The following GBE1 variants were observed in gnomAD, a reference collection of about 807,000 sequenced individuals.
The protein encoded by GBE1 is 1,4-alpha-glucan branching enzyme 1.
In GBE1, 70 loss-of-function variants were observed where a neutral mutation model predicts 88.8. The observed-to-expected ratio is 0.79, with a 90% CI of 0.65 to 0.96. The LOEUF (loss-of-function observed/expected upper bound fraction) is 0.96. GBE1 is among the 40% of genes least tolerant of loss of function. GBE1 has a pLI of 0.00. For missense variants in GBE1, 872 were observed against 871.0 expected, an observed-to-expected ratio of 1.00 and a Z score of -0.01; for synonymous variants, 284 against 300.1, an observed-to-expected ratio of 0.95 and a Z score of 0.56.
rs397990331 is a variant in GBE1 at position 81,710,232 on chromosome 3, C to CTTTTTTTTTTTTTTTT, written c.144-4635_144-4620dup. Among the ~76,000 whole-genome samples the CTTTTTTTTTTTTTTTT allele has an allele frequency of 2.1e-4, 20 of 93,232 alleles. 1 individual carries two copies. Among genetic ancestry groups the CTTTTTTTTTTTTTTTT allele is most frequent in the African/African-American group, 4.6e-4 (10 of 21,796 alleles). 61.2% of individuals were successfully genotyped at this position (93,232 alleles called of 152,430 possible). On this transcript the variant is annotated intron_variant, in intron 1 of 15. Coordinates refer to ENST00000429644, the MANE Select transcript of GBE1 (RefSeq NM_000158.4). Reference sequence around the variant, plus strand: ...TTGTTTTACTCTTAAGGTAATTAATCTTTTTTTTTTTTTTTTTTTTGAGAC... The same window carrying CTTTTTTTTTTTTTTTT: ...TTGTTTTACTCTTAAGGTAATTAATCTTTTTTTTTTTTTTTTTTTTTTTTTTTTTTTTTTTTGAGAC...
intron 14 of GBE1, among the ~76,000 whole-genome samples, chr3:81,512,628 T>A (rs1448641813): frequency 6.6e-6 from 1 of 151,936 alleles, no homozygotes; most frequent in Non-Finnish European, 1.5e-5. Flanking sequence ...TGTAAAACTG[T>A]ACTGAATTTA....
intron 12 of GBE1, among the ~76,000 whole-genome samples, chr3:81,571,014 C>A (rs941237810): frequency 6.6e-6 from 1 of 152,096 alleles, no homozygotes; most frequent in Non-Finnish European, 1.5e-5. Flanking sequence ...AGTATACACT[C>A]AGGATCTAAA....
chr3:81,666,267 A>G (rs1461952339), intron 3 of GBE1, among the ~76,000 whole-genome samples: 2 of 152,184 alleles, frequency 1.3e-5, no homozygotes, highest in Admixed American at 6.5e-5. Context: ...TACCCATAAA[A>G]TCTGTCAAGA....
intron 15 of GBE1, among the ~76,000 whole-genome samples, chr3:81,497,508 G>T (rs1702516215): frequency 6.6e-6 from 1 of 152,104 alleles, no homozygotes; most frequent in Non-Finnish European, 1.5e-5. Context: ...GGGGGAAACT[G>T]CAGTGCAAAA....
In GBE1 at chr3:81,499,120, T is replaced by A; in HGVS notation, c.2042A>T (p.Tyr681Phe). 6.4e-7 allele frequency: 1 copy of A among 1,574,596 alleles called. No individual in the cohort carries two copies. Among genetic ancestry groups the A allele is most frequent in the Non-Finnish European group, 8.7e-7 (1 of 1,146,652 alleles). ...SEAFEHNGRP[Y>F]SLLVYIPSRV... ...GAGAAACTTACTTACCAAAAGAGAA[T>A]AGGGACGCCCATTATGTTCAAAAGC... is the stretch of plus-strand genomic sequence containing the variant. The change falls in exon 15 of 16, where the codon TAT (tyrosine) becomes TTT (phenylalanine). Residue 681 changes from tyrosine to phenylalanine, a missense_variant. Physicochemically the swap from Tyr to Phe is conservative, Grantham distance 22. Coordinates refer to ENST00000429644, the MANE Select transcript of GBE1 (RefSeq NM_000158.4).
At chr3:81,713,126 A>G (rs1055382343) in intron 1 of GBE1, among the ~76,000 whole-genome samples, 5 of 152,208 alleles carry the variant, frequency 3.3e-5, no homozygotes, top group African/African-American at 9.6e-5. Flanking sequence ...ACAATGTCCA[A>G]CTCATGACAG....
In GBE1 at chr3:81,685,662, G is replaced by A. The variant is rs540748396; in HGVS notation, c.314-14709C>T. ...CTCCCAAAGTGCTGGTATTACAAGC[G>A]TGAGCCATTGCGCTCAGCGATTCCA... On this transcript the variant is annotated intron_variant, in intron 2 of 15. Coordinates refer to ENST00000429644, the MANE Select transcript of GBE1 (RefSeq NM_000158.4). Among the ~76,000 whole-genome samples, 15 of 152,208 alleles carry A rather than the reference G, an allele frequency of 9.9e-5. 1 individual carries two copies. The South Asian group carries it at 1.9e-3, about 19-fold the overall frequency.
chr3:81,665,368 C>A (rs1705098155), intron 3 of GBE1, among the ~76,000 whole-genome samples: 1 of 151,260 alleles, frequency 6.6e-6, no homozygotes, highest in South Asian at 2.1e-4. Flanking sequence ...CCCGTCTCTA[C>A]TAAAAATACA....
intron 12 of GBE1, among the ~76,000 whole-genome samples, chr3:81,545,739 A>C (rs1432090333): frequency 6.6e-6 from 1 of 152,122 alleles, no homozygotes; most frequent in Non-Finnish European, 1.5e-5. Flanking sequence ...TGAAAATATT[A>C]AATGGAAAAT....
intron 7 of GBE1, among the ~76,000 whole-genome samples, chr3:81,610,073 A>G (rs886196324): frequency 6.6e-6 from 1 of 152,210 alleles, no homozygotes; most frequent in Admixed American, 6.5e-5. Flanking sequence ...TTACACAAAA[A>G]TTAGTATTGC....
At chr3:81,618,822 T>TA (rs775469360) in intron 7 of GBE1, among the ~76,000 whole-genome samples, 2 of 152,120 alleles carry the variant, frequency 1.3e-5, no homozygotes, top group Non-Finnish European at 2.9e-5. Flanking sequence ...AAATTAAGAC[T>TA]ACAGCTAAAG....
intron 12 of GBE1, among the ~76,000 whole-genome samples, chr3:81,557,575 C>A (rs755872765): frequency 2.6e-5 from 4 of 151,908 alleles, no homozygotes; most frequent in Non-Finnish European, 5.9e-5. Context: ...AGGATGACTT[C>A]AGTTTTGGAT....
chr3:81,532,636 T>C (rs187172174), intron 14 of GBE1, among the ~76,000 whole-genome samples: 116 of 152,204 alleles, frequency 7.6e-4, no homozygotes, highest in South Asian at 2.1e-4. Flanking sequence ...CCTACATTCT[T>C]ATCAAGTAGC....
rs753097564 is a variant in GBE1, at chr3:81,535,331, A to C, written c.1804-6T>G. ...TGTTTTTCACTCACGTAGGCCTGCA[A>C]GAATTAGCACACATGTTACATTTAA... On this transcript the variant is annotated splice_region_variant and splice_polypyrimidine_tract_variant and intron_variant, in intron 13 of 15. Coordinates refer to ENST00000429644, the MANE Select transcript of GBE1 (RefSeq NM_000158.4). 7.5e-6 allele frequency: 12 copies of C among 1,598,142 alleles called. No homozygotes were observed. Among genetic ancestry groups the C allele is most frequent in the Non-Finnish European group, 1.0e-5 (12 of 1,174,650 alleles).
At chr3:81,504,450 T>G (rs1702628896) in intron 14 of GBE1, among the ~76,000 whole-genome samples, 1 of 151,922 alleles carries the variant, frequency 6.6e-6, no homozygotes, top group South Asian at 2.1e-4. Flanking sequence ...ATCATAAAAT[T>G]TACCTTGTTC....
intron 15 of GBE1, among the ~76,000 whole-genome samples, chr3:81,493,760 T>C (rs1420400204): frequency 2.6e-5 from 4 of 151,962 alleles, no homozygotes; most frequent in African/African-American, 9.7e-5. Flanking sequence ...GGTCTCGAAC[T>C]CCCGACCTCA....
At chr3:81,660,032 AATAG>A (rs3836325) in intron 3 of GBE1, among the ~76,000 whole-genome samples, 10,595 of 152,218 alleles carry the variant, frequency 0.07, 695 homozygotes, top group African/African-American at 0.17. Context: ...AAGAACTGGA[AATAG>A]ATATGTATGT....
At chr3:81,709,062 T>C (rs1424365724) in intron 1 of GBE1, among the ~76,000 whole-genome samples, 1 of 152,092 alleles carries the variant, frequency 6.6e-6, no homozygotes, top group Admixed American at 6.6e-5. Context: ...AGATGGAGAG[T>C]ACAAGCCTCA....
At chr3:81,492,603 ATCTT>A (rs1045072610) in intron 15 of GBE1, among the ~76,000 whole-genome samples, 25 of 151,820 alleles carry the variant, frequency 1.6e-4, no homozygotes, top group African/African-American at 3.6e-4. Context: ...TCTAGTCTAC[ATCTT>A]TCTTTCTTTC....
Sources: gnomAD v4.1 joint callset for allele counts (sites outside exome capture counted in the v4.1 genomes callset) on GRCh38, gnomAD v4.1.1 for gene constraint, MANE v1.5 for transcripts, NCBI Gene and HGNC (gene_info 2026-07-23, HGNC 2026-07-21) for gene names.